Variants in USH2A observed in about 807,000 individuals in gnomAD.
The protein encoded by USH2A is usherin, also known as Usher syndrome 2A (autosomal recessive, mild).
Under a neutral mutation model 538.9 loss-of-function variants are expected in USH2A, and 443 were observed. That is an observed-to-expected ratio of 0.82 (90% CI 0.76 to 0.89). USH2A has a LOEUF of 0.89. Ranked by LOEUF, USH2A falls within the 40% of genes least tolerant of loss-of-function variation. USH2A has a pLI of 0.00. For synonymous variants in USH2A, 2,413 were observed against 2,273.5 expected (o/e 1.06, Z -1.75); for missense variants, 6,633 against 6,324.8 (o/e 1.05, Z -1.65).
intron 4 of USH2A, among the ~76,000 whole-genome samples, chr1:216,363,450 A>T (rs1345288262): frequency 6.6e-6 from 1 of 152,114 alleles, no homozygotes; most frequent in Non-Finnish European, 1.5e-5. Flanking sequence ...AGGAAATGGG[A>T]TATGAATTCA....
rs527891067 is a variant in USH2A at position 216,089,702 on chromosome 1, ATAAT to A, written c.4759-567_4759-564del. Reference sequence around the variant, plus strand: ...CACAATGCTTTGTAGTTAAAATCCAATAATTATAGTTCTGGCTAAGGTAATCATA... The same window carrying A: ...CACAATGCTTTGTAGTTAAAATCCAATATAGTTCTGGCTAAGGTAATCATA... On this transcript the variant is annotated intron_variant, in intron 22 of 71. Transcript: ENST00000307340. 2.0e-4 allele frequency among the ~76,000 whole-genome samples: 31 copies of A among 152,146 alleles called. 2 individuals are homozygous for A. In the South Asian group the frequency reaches 6.2e-3, roughly 31 times the overall value.
intron 21 of USH2A, among the ~76,000 whole-genome samples, chr1:216,128,999 T>C (rs953240376): frequency 6.6e-6 from 1 of 152,114 alleles, no homozygotes; most frequent in East Asian, 1.9e-4. Flanking sequence ...AGGGAGAACA[T>C]GCAATATGTG....
Position 216,324,268 on chromosome 1 carries a change from C to A in USH2A, c.1228G>T (p.Glu410Ter), listed in dbSNP as rs1571702193. 6.2e-7 allele frequency: 1 copy of A among 1,613,302 alleles called. No individual in the cohort carries two copies. Among genetic ancestry groups the A allele is most frequent in the Non-Finnish European group, 8.5e-7 (1 of 1,179,682 alleles). The part of the protein sequence containing the change: ...QRKKENSLDW[E>*]DWQYFARNCG... ...TTCCTGGCAAAATATTGCCAGTCCTCCCAATCTAAACTATTTTCCTTCTTC... is the reference window on the plus strand; with the variant it reads ...TTCCTGGCAAAATATTGCCAGTCCTACCAATCTAAACTATTTTCCTTCTTC... The change falls in exon 7 of 72, where the codon GAG becomes TAG. Residue 410 changes from glutamate (E) to a stop codon, truncating the protein, a stop_gained. Coordinates refer to ENST00000307340, the MANE Select transcript of USH2A (RefSeq NM_206933.4). LOFTEE classifies it high-confidence loss of function.
intron 60 of USH2A, among the ~76,000 whole-genome samples, chr1:215,728,761 CAAGAA>C (rs1412791182): frequency 6.6e-6 from 1 of 152,110 alleles, no homozygotes; most frequent in African/African-American, 2.4e-5. Flanking sequence ...ATATGCAATA[CAAGAA>C]AACAAACATA....
intron 37 of USH2A, among the ~76,000 whole-genome samples, chr1:215,950,174 AAGG>A (rs1241992623): frequency 2.0e-5 from 3 of 152,188 alleles, no homozygotes; most frequent in African/African-American, 7.2e-5. Context: ...TATACATATT[AAGG>A]AAAAATGTAG....
At chr1:216,032,257 C>A (rs963632578) in intron 32 of USH2A, among the ~76,000 whole-genome samples, 3 of 152,028 alleles carry the variant, frequency 2.0e-5, no homozygotes, top group Non-Finnish European at 4.4e-5. Context: ...CAATAATTTC[C>A]TTATTTCTGC....
chr1:215,630,478 G>GTA (rs1656229420), intron 70 of USH2A, among the ~76,000 whole-genome samples: 2 of 35,168 alleles, frequency 5.7e-5, no homozygotes, highest in Non-Finnish European at 1.5e-4. Flanking sequence ...GTGTATGTGT[G>GTA]TGTGTATATA....
chr1:215,646,706 T>C (rs1300451372), intron 67 of USH2A, among the ~76,000 whole-genome samples: 1 of 152,132 alleles, frequency 6.6e-6, no homozygotes, highest in East Asian at 1.9e-4. Flanking sequence ...TTTGTATTTT[T>C]AGTAGAGATG....
At chr1:215,936,050 A>G (rs1387562616) in intron 37 of USH2A, among the ~76,000 whole-genome samples, 4 of 152,012 alleles carry the variant, frequency 2.6e-5, no homozygotes, top group Non-Finnish European at 5.9e-5. Flanking sequence ...TTTATCTAAA[A>G]GAGCACCAAT....
chr1:216,048,405 C>A, intron 31 of USH2A, 129 bp downstream of exon 31: 1 of 917,312 alleles, frequency 1.1e-6, no homozygotes, highest in Non-Finnish European at 1.8e-6. Context: ...CAATTATGGC[C>A]TGGCAATGCA....
intron 61 of USH2A, among the ~76,000 whole-genome samples, chr1:215,719,754 A>G (rs1481300984): frequency 1.3e-5 from 2 of 152,218 alleles, no homozygotes; most frequent in African/African-American, 4.8e-5. Flanking sequence ...TTTAGTTCAG[A>G]CTTGATGAGT....
At chr1:216,368,958 T>G (rs1558057406) in intron 3 of USH2A, among the ~76,000 whole-genome samples, 5 of 152,172 alleles carry the variant, frequency 3.3e-5, no homozygotes, top group Admixed American at 3.3e-4. Flanking sequence ...AGATTAACAT[T>G]AAGCGATTTG....
intron 61 of USH2A, among the ~76,000 whole-genome samples, chr1:215,701,782 C>T (rs534036429): frequency 6.6e-6 from 1 of 152,110 alleles, no homozygotes; most frequent in African/African-American, 2.4e-5. Flanking sequence ...ATTTGCCAGT[C>T]TGTGTCTTTT....
intron 35 of USH2A, among the ~76,000 whole-genome samples, chr1:215,981,788 G>A (rs573536098): frequency 1.3e-5 from 2 of 152,106 alleles, no homozygotes; most frequent in South Asian, 4.1e-4. Context: ...GCAAGGAATG[G>A]ATATTAATCA....
intron 21 of USH2A, among the ~76,000 whole-genome samples, chr1:216,145,592 C>T (rs1321555581): frequency 6.6e-6 from 1 of 152,200 alleles, no homozygotes; most frequent in Non-Finnish European, 1.5e-5. Flanking sequence ...TATATTCCCA[C>T]AAGTCCTGTG....
chr1:216,054,945 C>T (rs1183266160), intron 30 of USH2A, among the ~76,000 whole-genome samples: 1 of 152,170 alleles, frequency 6.6e-6, no homozygotes, highest in African/African-American at 2.4e-5. Flanking sequence ...CAACTGTCTA[C>T]CCTGAGTCCA....
intron 61 of USH2A, among the ~76,000 whole-genome samples, chr1:215,726,251 A>T (rs969470809): frequency 1.1e-4 from 16 of 152,228 alleles, no homozygotes; most frequent in African/African-American, 3.6e-4. Context: ...TCCACTAAAA[A>T]GTATCTTTTA....
chr1:216,385,986 G>A (rs2038997017), intron 3 of USH2A, among the ~76,000 whole-genome samples: 1 of 152,076 alleles, frequency 6.6e-6, no homozygotes, highest in Admixed American at 6.5e-5. Flanking sequence ...ACTTTCAGCA[G>A]CTCCTATTTA....
chr1:216,415,708 G>A (rs947565191), intron 3 of USH2A, among the ~76,000 whole-genome samples: 16 of 151,404 alleles, frequency 1.1e-4, no homozygotes, highest in African/African-American at 3.2e-4. Context: ...GTGTTTTTTC[G>A]TAGAGATGAG....
Sources: gnomAD v4.1 joint callset for allele counts (sites outside exome capture counted in the v4.1 genomes callset) on GRCh38, gnomAD v4.1.1 for gene constraint, MANE v1.5 for transcripts, NCBI Gene and HGNC (gene_info 2026-07-23, HGNC 2026-07-21) for gene names.